The following FARSB variants were observed in gnomAD, a reference collection of about 807,000 sequenced individuals.
The protein encoded by FARSB is phenylalanine--tRNA ligase beta subunit.
In FARSB, 40 loss-of-function variants were observed where a neutral mutation model predicts 69.6. The observed-to-expected ratio is 0.57, with a 90% CI of 0.45 to 0.75. The LOEUF (loss-of-function observed/expected upper bound fraction) is 0.75, where lower values mean the gene tolerates loss of function less well. Among genes scored for constraint, FARSB ranks in the 30% least tolerant of loss-of-function variants. The probability of loss-of-function intolerance (pLI) is 0.00; values close to 1 mark genes in which losing one functional copy is unlikely to be tolerated. For missense variants in FARSB, 632 were observed against 722.9 expected, an observed-to-expected ratio of 0.87 and a Z score of 1.44; for synonymous variants, 235 against 247.2, an observed-to-expected ratio of 0.95 and a Z score of 0.46.
At chr2:222,641,014 G>T in intron 3 of FARSB, 83 bp from the exon 4 acceptor site, 13 of 524,210 alleles carry the variant, frequency 2.5e-5, no homozygotes, top group East Asian at 9.5e-5. Context: ...TATATAGGAA[G>T]TATACAAAAT....
At chr2:222,612,264 C>T (rs1690874524) in intron 15 of FARSB, among the ~76,000 whole-genome samples, 1 of 152,198 alleles carries the variant, frequency 6.6e-6, no homozygotes, top group South Asian at 2.1e-4. Context: ...TGATATTAAA[C>T]ACGAACTTTC....
chr2:222,626,475 A>G (rs1013447592), intron 10 of FARSB, among the ~76,000 whole-genome samples: 3 of 152,132 alleles, frequency 2.0e-5, no homozygotes, highest in Admixed American at 1.3e-4. Flanking sequence ...AGAAAGAATC[A>G]GTTTCCCCCA....
chr2:222,654,977 T>C (rs983991677), intron 1 of FARSB, among the ~76,000 whole-genome samples: 1 of 152,168 alleles, frequency 6.6e-6, no homozygotes, highest in Non-Finnish European at 1.5e-5. Context: ...GGCAGGTGGA[T>C]CACGAGGTCA....
chr2:222,616,854 T>G (rs1205616062), intron 14 of FARSB, among the ~76,000 whole-genome samples: 1 of 152,144 alleles, frequency 6.6e-6, no homozygotes, highest in Non-Finnish European at 1.5e-5. Flanking sequence ...ACCATAAATA[T>G]AAACCTCTTA....
intron 16 of FARSB, among the ~76,000 whole-genome samples, chr2:222,599,096 C>T (rs7591848): frequency 6.6e-6 from 1 of 152,058 alleles, no homozygotes; most frequent in Non-Finnish European, 1.5e-5. Context: ...AAGAAAAAAA[C>T]ATATTACCCC....
At chr2:222,652,274 G>C (rs1692057453) in intron 1 of FARSB, among the ~76,000 whole-genome samples, 1 of 152,184 alleles carries the variant, frequency 6.6e-6, no homozygotes, top group Admixed American at 6.5e-5. Context: ...GGCCTTGGGA[G>C]GGGGTGAGTA....
chr2:222,644,819 C>T (rs1691807101), intron 2 of FARSB, among the ~76,000 whole-genome samples: 1 of 151,958 alleles, frequency 6.6e-6, no homozygotes, highest in African/African-American at 2.4e-5. Context: ...AAATAATATA[C>T]TATAATAAGA....
intron 16 of FARSB, among the ~76,000 whole-genome samples, chr2:222,575,533 T>C (rs1028685097): frequency 1.5e-4 from 23 of 152,322 alleles, no homozygotes; most frequent in South Asian, 4.1e-4. Flanking sequence ...AAGCCCAAAA[T>C]GCTCCCCAGC....
At chr2:222,633,808 C>G (rs1274608634) in intron 6 of FARSB, among the ~76,000 whole-genome samples, 1 of 151,464 alleles carries the variant, frequency 6.6e-6, no homozygotes, top group Non-Finnish European at 1.5e-5. Flanking sequence ...TCAATGAACA[C>G]AATTGAATCA....
intron 15 of FARSB, among the ~76,000 whole-genome samples, chr2:222,606,908 TGG>T (rs1690717265): frequency 6.6e-6 from 1 of 152,220 alleles, no homozygotes; most frequent in Non-Finnish European, 1.5e-5. Context: ...GAAAACCTAT[TGG>T]GAGACCAAAA....
At chr2:222,580,448 A>G (rs1463462650) in intron 16 of FARSB, among the ~76,000 whole-genome samples, 1 of 151,854 alleles carries the variant, frequency 6.6e-6, no homozygotes, top group Non-Finnish European at 1.5e-5. Context: ...GTGGCTTGAG[A>G]CCAGGTGTTC....
At chr2:222,655,922 C>A in intron 1 of FARSB, 94 bp downstream of exon 1, 1 of 1,056,886 alleles carries the variant, frequency 9.5e-7, no homozygotes, top group East Asian at 2.7e-5. Context: ...CCAAAACCTT[C>A]AGGAAGGCAT....
At chr2:222,588,590 T>C (rs1373540059) in intron 16 of FARSB, among the ~76,000 whole-genome samples, 1 of 152,236 alleles carries the variant, frequency 6.6e-6, no homozygotes, top group Admixed American at 6.5e-5. Context: ...GCAGATGACA[T>C]GATTGTATAT....
chr2:222,609,501 T>C (rs1312148755), intron 15 of FARSB, among the ~76,000 whole-genome samples: 2 of 152,178 alleles, frequency 1.3e-5, no homozygotes, highest in Non-Finnish European at 2.9e-5. Context: ...GCATTCAACT[T>C]CTCATTCCAA....
chr2:222,620,375 C>T (rs1691107153), intron 13 of FARSB, among the ~76,000 whole-genome samples: 1 of 152,362 alleles, frequency 6.6e-6, no homozygotes, highest in Admixed American at 6.5e-5. Flanking sequence ...GTGACTGGAA[C>T]TCTGCCCAGT....
In FARSB at chr2:222,639,537, G is replaced by C. The variant is rs765415121; in HGVS notation, c.455+43C>G. On this transcript the variant is annotated intron_variant, in intron 5 of 16. Coordinates refer to ENST00000281828, the MANE Select transcript of FARSB (RefSeq NM_005687.5). ...GATGGAAAGGAGATAGGGAGACAAA[G>C]GGAAAGGGGAAGGCAAGGAAGAAAG... 5.7e-5 allele frequency: 51 copies of C among 899,564 alleles called. No homozygotes were observed. In the Middle Eastern group the frequency reaches 3.5e-3, roughly 63 times the overall value. The allele number at this position is 899,564 out of a possible 1,614,324, so 55.7% of individuals were successfully genotyped here. A position where few individuals can be genotyped will look rare whatever the true frequency, so the allele number is the denominator to read the frequency against.
At chr2:222,609,332 T>A (rs1690784932) in intron 15 of FARSB, among the ~76,000 whole-genome samples, 1 of 152,230 alleles carries the variant, frequency 6.6e-6, no homozygotes, top group Non-Finnish European at 1.5e-5. Flanking sequence ...TTGTTTATAG[T>A]TTAGTTGTTC....
chr2:222,656,018 T>TA lies in FARSB; in HGVS notation c.55dup (p.Tyr19LeufsTer3). ...CAACGTATAGGGCCGCCACTCACTG[T>TA]AGGTGCGGCCCAGGGCTTGGAAGAG... is the stretch of plus-strand genomic sequence containing the variant. On this transcript the variant is annotated frameshift_variant, in exon 1 of 17. Transcript: ENST00000281828. LOFTEE classifies it high-confidence loss of function. 6.3e-7 allele frequency: 1 copy of TA among 1,596,306 alleles called. No individual in the cohort carries two copies. The highest frequency in any genetic ancestry group is 8.5e-7 in the Non-Finnish European group (1 of 1,170,582).
rs1260870730 is a variant in FARSB, at chr2:222,600,084, C to T, written c.1463-1G>A. The stretch of plus-strand genomic sequence containing the variant: ...TGTCTGTAGTTTTTTGCACCTACAT[C>T]TAGAAAAATAAAGGAACTGGTCACA... On this transcript the variant is annotated splice_acceptor_variant, in intron 15 of 16. Transcript: ENST00000281828. LOFTEE classifies it high-confidence loss of function. 8 of 1,602,888 alleles carry T rather than the reference C, an allele frequency of 5.0e-6. No homozygotes were observed. Among genetic ancestry groups the T allele is most frequent in the Non-Finnish European group, 6.8e-6 (8 of 1,177,194 alleles).
Sources: allele counts gnomAD v4.1 joint callset (sites outside exome capture counted in the v4.1 genomes callset), GRCh38; gene constraint gnomAD v4.1.1; transcripts MANE v1.5; gene names NCBI Gene and HGNC (gene_info 2026-07-23, HGNC 2026-07-21).